Variants in VPS13B observed in about 807,000 individuals in gnomAD.
The protein encoded by VPS13B is vacuolar protein sorting 13 homolog B.
In VPS13B, 285 loss-of-function variants were observed where a neutral mutation model predicts 426.4. The observed-to-expected ratio is 0.67, with a 90% CI of 0.61 to 0.74. The LOEUF is 0.74. Ranked by LOEUF, VPS13B falls within the 30% of genes least tolerant of loss-of-function variation. The pLI is 0.00. For synonymous variants in VPS13B, 1,676 were observed against 1,676.4 expected (o/e 1.00, Z 0.01); for missense variants, 4,537 against 4,782.6 (o/e 0.95, Z 1.51).
chr8:99,323,308 G>C (rs1233004240), intron 19 of VPS13B, among the ~76,000 whole-genome samples: 1 of 152,142 alleles, frequency 6.6e-6, no homozygotes. Flanking sequence ...GTGACTCTTA[G>C]GAAAGTTGGT....
At chr8:99,333,174 A>G (rs2133160042) in intron 19 of VPS13B, among the ~76,000 whole-genome samples, 1 of 151,876 alleles carries the variant, frequency 6.6e-6, no homozygotes, top group Non-Finnish European at 1.5e-5. Context: ...ATGTAACATT[A>G]TTCTTAAATT....
Position 99,875,534 on chromosome 8 carries a change from T to G in VPS13B, c.11862T>G (p.Pro3954=), listed in dbSNP as rs767005515. 3 of 1,614,086 alleles carry G rather than the reference T, an allele frequency of 1.9e-6. No individual in the cohort carries two copies. Among genetic ancestry groups the G allele is most frequent in the Non-Finnish European group, 2.5e-6 (3 of 1,179,944 alleles). Residue 3954 remains proline (P), a synonymous_variant, in exon 62 of 62, where the codon CCT becomes CCG. Transcript: ENST00000357162. ...GTTCTTCCATGCAAATACCATGCCC[T>G]GTGGTGGCTGCAGAACCTCCCCCCT... ...PSCSSMQIPC[P]VVAAEPPPST... is the part of the protein sequence containing the mutation.
chr8:99,083,137 C>T (rs1254308214), intron 3 of VPS13B, among the ~76,000 whole-genome samples: 10 of 152,084 alleles, frequency 6.6e-5, no homozygotes, highest in Non-Finnish European at 1.0e-4. Context: ...TTTTATTTCA[C>T]TGAGCAGTGG....
chr8:99,249,860 T>TA (rs1563626127), intron 17 of VPS13B, among the ~76,000 whole-genome samples: 1 of 152,132 alleles, frequency 6.6e-6, no homozygotes, highest in East Asian at 1.9e-4. Flanking sequence ...AGTGAGCTAT[T>TA]ACCTTCGCAC....
intron 19 of VPS13B, among the ~76,000 whole-genome samples, chr8:99,307,960 C>CA (rs1490021634): frequency 1.3e-5 from 2 of 151,944 alleles, no homozygotes; most frequent in Admixed American, 1.3e-4. Flanking sequence ...TTTTCATTTT[C>CA]ATTTGTTTCA....
At chr8:99,526,665 G>A (rs1822660770) in intron 30 of VPS13B, among the ~76,000 whole-genome samples, 1 of 152,220 alleles carries the variant, frequency 6.6e-6, no homozygotes, top group Admixed American at 6.5e-5. Context: ...AGGATTGGGT[G>A]GGTGGAGATT....
chr8:99,650,263 G>T (rs972332748), intron 34 of VPS13B, among the ~76,000 whole-genome samples: 1 of 152,046 alleles, frequency 6.6e-6, no homozygotes, highest in East Asian at 1.9e-4. Context: ...GCATTAACTT[G>T]ATTCTTCCCG....
At chr8:99,698,264 G>C (rs1039137385) in intron 35 of VPS13B, among the ~76,000 whole-genome samples, 15 of 152,246 alleles carry the variant, frequency 9.9e-5, no homozygotes, top group Non-Finnish European at 1.8e-4. Context: ...TGCTGCAGCT[G>C]CCTGACTCCA....
rs991068798 is a variant in VPS13B, at chr8:99,037,122, A to G, written c.148-1301A>G. On this transcript the variant is annotated intron_variant, in intron 2 of 61. Transcript: ENST00000357162. ...AGTGCTTATTGCTTTTGTTACAGGC[A>G]CTGATCAATATATAATCTTGTGCTA... Among the ~76,000 whole-genome samples, 9 of 152,320 alleles carry G rather than the reference A, an allele frequency of 5.9e-5. No individual in the cohort carries two copies. The East Asian group carries it at 1.5e-3, about 26-fold the overall frequency.
At chr8:99,834,923 A>G (rs1815304150) in intron 52 of VPS13B, among the ~76,000 whole-genome samples, 1 of 152,250 alleles carries the variant, frequency 6.6e-6, no homozygotes, top group Admixed American at 6.5e-5. Flanking sequence ...ACACATATGC[A>G]TGGGGGAAGA....
At chr8:99,838,886 G>A (rs1815529976) in intron 54 of VPS13B, among the ~76,000 whole-genome samples, 1 of 152,216 alleles carries the variant, frequency 6.6e-6, no homozygotes, top group East Asian at 1.9e-4. Context: ...TGTGTTTGAA[G>A]CTTCAGTGTT....
At chr8:99,573,549 A>T (rs1825601041) in intron 31 of VPS13B, among the ~76,000 whole-genome samples, 3 of 152,158 alleles carry the variant, frequency 2.0e-5, no homozygotes, top group African/African-American at 7.2e-5. Flanking sequence ...CCATTTATTA[A>T]AAAGGGAATA....
chr8:99,723,738 AGTT>A (rs1390293939), intron 39 of VPS13B, among the ~76,000 whole-genome samples: 1 of 152,190 alleles, frequency 6.6e-6, no homozygotes, highest in Non-Finnish European at 1.5e-5. Flanking sequence ...GCAAGCAAAG[AGTT>A]GGTATCAAAA....
At chr8:99,790,275 G>T (rs1018594096) in intron 43 of VPS13B, among the ~76,000 whole-genome samples, 4 of 152,068 alleles carry the variant, frequency 2.6e-5, no homozygotes, top group African/African-American at 9.7e-5. Context: ...GCTACACCAT[G>T]ATTTATTAAA....
At chr8:99,278,082 C>CG (rs1818987007) in intron 19 of VPS13B, among the ~76,000 whole-genome samples, 1 of 151,922 alleles carries the variant, frequency 6.6e-6, no homozygotes, top group Admixed American at 6.6e-5. Context: ...ATAGATGTCC[C>CG]GGTGAGGTTG....
At chr8:99,679,791 C>G (rs1032300156) in intron 35 of VPS13B, among the ~76,000 whole-genome samples, 4 of 152,204 alleles carry the variant, frequency 2.6e-5, no homozygotes, top group Non-Finnish European at 4.4e-5. Flanking sequence ...CCTGTGAATA[C>G]TCCGTCTCCC....
At position 99,730,741 on chromosome 8, in the gene VPS13B, A is replaced by G. The variant is rs62534608; in HGVS notation, c.7050+9694A>G. ...GGTACAGGTACAGGTACCTCCTGAA[A>G]GGTACCTGTAGGTACAGGTACAGGT... On this transcript the variant is annotated intron_variant, in intron 39 of 61. Coordinates refer to ENST00000357162, the MANE Select transcript of VPS13B (RefSeq NM_152564.5). 4.9e-3 allele frequency among the ~76,000 whole-genome samples: 591 copies of G among 120,566 alleles called. 20 individuals are homozygous for G. The highest frequency in any genetic ancestry group is 0.011 in the Middle Eastern group (3 of 266). 79.1% of individuals were successfully genotyped at this position (120,566 alleles called of 152,430 possible).
At chr8:99,440,465 T>G (rs541781645) in intron 22 of VPS13B, among the ~76,000 whole-genome samples, 4 of 152,214 alleles carry the variant, frequency 2.6e-5, no homozygotes, top group South Asian at 4.1e-4. Context: ...AACCACAATT[T>G]TATACATACA....
chr8:99,327,659 G>A (rs1810346082), intron 19 of VPS13B, among the ~76,000 whole-genome samples: 1 of 152,054 alleles, frequency 6.6e-6, no homozygotes, highest in African/African-American at 2.4e-5. Flanking sequence ...TGAATCTGGT[G>A]GCATGGAATG....
Sources: gnomAD v4.1 joint callset for allele counts (sites outside exome capture counted in the v4.1 genomes callset) on GRCh38, gnomAD v4.1.1 for gene constraint, MANE v1.5 for transcripts, NCBI Gene and HGNC (gene_info 2026-07-23, HGNC 2026-07-21) for gene names.